The following ERICH3 variants were observed in gnomAD, a reference collection of about 807,000 sequenced individuals.
ERICH3 encodes glutamate rich 3, also known as glutamate-rich protein 3.
A neutral mutation model predicts 131.1 loss-of-function variants in ERICH3; 126 were observed. The ratio of observed to expected loss-of-function variants is 0.96; its 90% CI spans 0.83 to 1.11. The LOEUF (loss-of-function observed/expected upper bound fraction) is 1.11. Ranked by LOEUF, ERICH3 falls within the 50% of genes most tolerant of loss-of-function variation. The pLI is 0.00. For synonymous variants in ERICH3, 695 were observed against 644.6 expected (o/e 1.08, Z -1.18); for missense variants, 2,050 against 1,810.7 (o/e 1.13, Z -2.40).
chr1:74,660,066 T>C (rs755893417), intron 1 of ERICH3, among the ~76,000 whole-genome samples: 2 of 152,122 alleles, frequency 1.3e-5, no homozygotes, highest in African/African-American at 2.4e-5. Flanking sequence ...AATTTAATCA[T>C]GGGGTTACCC....
intron 1 of ERICH3, among the ~76,000 whole-genome samples, chr1:74,652,353 A>T (rs1490233624): frequency 1.3e-5 from 2 of 152,096 alleles, no homozygotes; most frequent in African/African-American, 4.8e-5. Flanking sequence ...AGTGTCAGCT[A>T]CACTGTGGTC....
chr1:74,641,254 A>G (rs1176728695), intron 5 of ERICH3, 77 bp downstream of exon 5: 6 of 1,512,782 alleles, frequency 4.0e-6, no homozygotes, highest in South Asian at 3.7e-5. Context: ...GCTCCCAGAG[A>G]GTATCCCTTC....
chr1:74,665,223 A>C (rs567024935), intron 1 of ERICH3, among the ~76,000 whole-genome samples: 163 of 151,864 alleles, frequency 1.1e-3, no homozygotes, highest in Non-Finnish European at 1.7e-3. Flanking sequence ...AAAAAAAAAA[A>C]CAGCCATCTG....
rs1172800314 is a variant in ERICH3 at position 74,620,854 on chromosome 1, A to G, written c.880T>C (p.Leu294=). The part of the protein sequence containing the change: ...HSNAAITMIY[L]GKNVHLSSDN... ...GAAGATAGGTGCACATTTTTCCCCA[A>G]ATAGATCATTGTAATAGCTGCATTA... The change falls in exon 8 of 15, where the codon TTG becomes CTG. Residue 294 remains leucine (L), a synonymous_variant. Transcript: ENST00000326665. 1 of 1,612,702 alleles carries G rather than the reference A, an allele frequency of 6.2e-7. No individual in the cohort carries two copies. The highest frequency in any genetic ancestry group is 8.5e-7 in the Non-Finnish European group (1 of 1,179,254).
rs1315048031 is a variant in ERICH3, at chr1:74,572,547, C to T, written c.3163G>A (p.Asp1055Asn). Residue 1055 changes from aspartate to asparagine, a missense_variant, in exon 14 of 15, where the codon GAT becomes AAT. Coordinates refer to ENST00000326665, the MANE Select transcript of ERICH3 (RefSeq NM_001002912.5). Reference protein sequence around the residue: ...DRKEILPKELDLARERRKAER... With the variant: ...DRKEILPKELNLARERRKAER... Reference sequence around the variant, plus strand: ...GCTTTCCTTCGCTCTCTTGCTAAATCTAATTCCTTGGGTAAAATTTCTTTC... The same window carrying T: ...GCTTTCCTTCGCTCTCTTGCTAAATTTAATTCCTTGGGTAAAATTTCTTTC... The T allele has an allele frequency of 6.2e-7, 1 of 1,613,990 alleles. No homozygotes were observed. Among genetic ancestry groups the T allele is most frequent in the African/African-American group, 1.3e-5 (1 of 74,884 alleles).
At chr1:74,650,533 G>T (rs777823200) in intron 1 of ERICH3, among the ~76,000 whole-genome samples, 1 of 152,078 alleles carries the variant, frequency 6.6e-6, no homozygotes, top group Non-Finnish European at 1.5e-5. Context: ...GCCTGAAACC[G>T]TGGATAGTAC....
At chr1:74,591,747 A>T (rs1165074228) in intron 11 of ERICH3, among the ~76,000 whole-genome samples, 1 of 152,170 alleles carries the variant, frequency 6.6e-6, no homozygotes, top group Non-Finnish European at 1.5e-5. Context: ...ATAAAAAATC[A>T]CTGCATACAT....
At chr1:74,665,378 C>T (rs952531751) in intron 1 of ERICH3, among the ~76,000 whole-genome samples, 11 of 152,070 alleles carry the variant, frequency 7.2e-5, no homozygotes, top group African/African-American at 2.4e-4. Context: ...GACTAAGACC[C>T]CCATGACCCC....
At chr1:74,641,197 T>C (rs1409044376) in intron 5 of ERICH3, 134 bp downstream of exon 5, 1 of 1,005,662 alleles carries the variant, frequency 9.9e-7, no homozygotes, top group African/African-American at 1.7e-5. Flanking sequence ...TGAACAGATA[T>C]AAGACTATAT....
At chr1:74,639,636 T>A (rs1646420400) in intron 5 of ERICH3, among the ~76,000 whole-genome samples, 1 of 152,150 alleles carries the variant, frequency 6.6e-6, no homozygotes, top group Non-Finnish European at 1.5e-5. Flanking sequence ...TAGTAGAAGA[T>A]CAGTGTGGGT....
At chr1:74,576,098 A>G (rs1215095429) in intron 13 of ERICH3, among the ~76,000 whole-genome samples, 1 of 152,234 alleles carries the variant, frequency 6.6e-6, no homozygotes, top group Non-Finnish European at 1.5e-5. Context: ...AAACTGGGAA[A>G]TAACACCTCT....
At position 74,571,570 on chromosome 1, in the gene ERICH3, A is replaced by T; in HGVS notation, c.4140T>A (p.Asp1380Glu). ...GGTGCCAGGTTTCTTCCTCAGCAAC[A>T]TCTGAAAAGGAGGAGGCTTTATTTG... ...TIANKASSFS[D>E]VAEEETWHQQ... The change falls in exon 14 of 15, where the codon GAT (aspartate) becomes GAA (glutamate). Residue 1380 changes from aspartate (D) to glutamate (E), a missense_variant. By Grantham distance (45) the Asp-to-Glu change is conservative. Coordinates refer to ENST00000326665, the MANE Select transcript of ERICH3 (RefSeq NM_001002912.5). 1 of 1,614,112 alleles carries T rather than the reference A, an allele frequency of 6.2e-7. No homozygotes were observed. The highest frequency in any genetic ancestry group is 8.5e-7 in the Non-Finnish European group (1 of 1,179,994).
Position 74,599,719 on chromosome 1 carries a change from T to C in ERICH3, c.1702A>G (p.Ser568Gly). The C allele has an allele frequency of 6.2e-7, 1 of 1,611,528 alleles. No individual in the cohort carries two copies. Among genetic ancestry groups the C allele is most frequent in the Non-Finnish European group, 8.5e-7 (1 of 1,178,618 alleles). ...CCTTGTTTATCCTCTTCCAGTTCAC[T>C]CTCAGAGCATCCATCATTCTCATCT... ...VKDENDGCSE[S>G]ELEEDKQDMK... The change falls in exon 11 of 15, where the codon AGT (serine) becomes GGT (glycine). Residue 568 changes from serine to glycine, a missense_variant. Physicochemically the swap from Ser to Gly is moderately conservative, Grantham distance 56. Transcript: ENST00000326665.
chr1:74,653,991 G>A (rs1646560578), intron 1 of ERICH3, among the ~76,000 whole-genome samples: 3 of 152,098 alleles, frequency 2.0e-5, no homozygotes, highest in Admixed American at 2.0e-4. Context: ...TACGAACACA[G>A]TTCAGCCAAT....
At chr1:74,608,042 G>A (rs1648485336) in intron 9 of ERICH3, among the ~76,000 whole-genome samples, 1 of 151,842 alleles carries the variant, frequency 6.6e-6, no homozygotes, top group Non-Finnish European at 1.5e-5. Flanking sequence ...CCAGTACGTG[G>A]GTGATGGAGC....
chr1:74,665,994 A>T (rs1318601534), intron 1 of ERICH3, among the ~76,000 whole-genome samples: 21 of 152,176 alleles, frequency 1.4e-4, no homozygotes. Flanking sequence ...TAAAAACCCA[A>T]AATACCATAA....
At chr1:74,582,168 G>A (rs1472505803) in intron 12 of ERICH3, among the ~76,000 whole-genome samples, 2 of 152,152 alleles carry the variant, frequency 1.3e-5, no homozygotes, top group East Asian at 3.9e-4. Context: ...TGAACAATTA[G>A]AGGCCAGCAC....
chr1:74,608,826 C>T (rs1358314945), intron 9 of ERICH3, among the ~76,000 whole-genome samples: 1 of 152,092 alleles, frequency 6.6e-6, no homozygotes, highest in East Asian at 1.9e-4. Context: ...TGATTACTAG[C>T]ATTGCCTTCT....
Position 74,646,681 on chromosome 1 carries a change from C to T in ERICH3, c.229G>A (p.Val77Ile), listed in dbSNP as rs1646486904. 1 of 1,391,848 alleles carries T rather than the reference C, an allele frequency of 7.2e-7. No individual in the cohort carries two copies. The allele number at this position is 1,391,848 out of a possible 1,614,324, so 86.2% of individuals were successfully genotyped here. A position where few individuals can be genotyped will look rare whatever the true frequency, so the allele number is the denominator to read the frequency against. Residue 77 changes from valine to isoleucine, a missense_variant, in exon 3 of 15, where the codon GTT (valine) becomes ATT (isoleucine). Transcript: ENST00000326665. ...TATATTTTTACCTCCATATCAAGAA[C>T]TTTATGAAAAATTGCCTGGGCTAAG... ...ECLAQAIFHK[V>I]LDMERYHQLE...
Sources: allele counts gnomAD v4.1 joint callset (sites outside exome capture counted in the v4.1 genomes callset), GRCh38; gene constraint gnomAD v4.1.1; transcripts MANE v1.5; gene names NCBI Gene and HGNC (gene_info 2026-07-23, HGNC 2026-07-21).